The following HMGA2 variants were observed in gnomAD, a reference collection of about 807,000 sequenced individuals.
HMGA2 encodes high mobility group AT-hook 2.
HMGA2 carries 8 observed loss-of-function variants against 19.1 expected under a neutral mutation model. The observed-to-expected ratio is 0.42, with a 90% CI of 0.25 to 0.76. The LOEUF is 0.76. HMGA2 is among the 30% of genes least tolerant of loss of function. HMGA2 has a pLI of 0.28. For synonymous variants in HMGA2, 60 were observed against 48.8 expected (o/e 1.23, Z -0.96); for missense variants, 109 against 136.3 (o/e 0.80, Z 1.00).
At position 65,862,276 on chromosome 12, in the gene HMGA2, TAC is replaced by T. The variant is rs34442419; in HGVS notation, c.249+23737_249+23738del. 7.3e-3 allele frequency among the ~76,000 whole-genome samples: 1,058 copies of T among 144,584 alleles called. 2 individuals carry two copies. The highest frequency in any genetic ancestry group is 0.02 in the East Asian group (102 of 4,980). 94.9% of individuals were successfully genotyped at this position (144,584 alleles called of 152,430 possible). On this transcript the variant is annotated intron_variant, in intron 3 of 4. Transcript: ENST00000403681. ...ATAACAAATTTACCAAAATGCACCA[TAC>T]ACACACACACACACACACACACACA...
intron 3 of HMGA2, among the ~76,000 whole-genome samples, chr12:65,949,086 C>G (rs2121308136): frequency 6.6e-6 from 1 of 152,162 alleles, no homozygotes; most frequent in Non-Finnish European, 1.5e-5. Flanking sequence ...TCTATTAGCC[C>G]ACGCTTTTGT....
intron 3 of HMGA2, among the ~76,000 whole-genome samples, chr12:65,892,025 C>T (rs1873932050): frequency 6.6e-6 from 1 of 152,320 alleles, no homozygotes; most frequent in Middle Eastern, 3.4e-3. Context: ...TACAATAATG[C>T]GCTGCCTTGT....
chr12:65,923,331 T>C (rs1321341756), intron 3 of HMGA2, among the ~76,000 whole-genome samples: 1 of 152,208 alleles, frequency 6.6e-6, no homozygotes, highest in Admixed American at 6.5e-5. Flanking sequence ...TCCATTTTTA[T>C]GATTTATATA....
intron 3 of HMGA2, among the ~76,000 whole-genome samples, chr12:65,878,718 C>G (rs936871430): frequency 6.6e-6 from 1 of 152,166 alleles, no homozygotes; most frequent in Non-Finnish European, 1.5e-5. Flanking sequence ...TTTCACTGCT[C>G]TCTGCTGGAG....
chr12:65,881,665 A>G (rs1040571018), intron 3 of HMGA2: 12 of 683,806 alleles, frequency 1.8e-5, no homozygotes, highest in Admixed American at 4.1e-5. Context: ...AGAGAGAGAG[A>G]GGGGAGAAAT....
intron 3 of HMGA2, among the ~76,000 whole-genome samples, chr12:65,934,035 G>A (rs1420267174): frequency 6.6e-6 from 1 of 152,150 alleles, no homozygotes; most frequent in East Asian, 1.9e-4. Context: ...GCCTCAGCTT[G>A]CAGTAGCAGA....
chr12:65,893,194 C>T (rs1307196329), intron 3 of HMGA2, among the ~76,000 whole-genome samples: 1 of 152,128 alleles, frequency 6.6e-6, no homozygotes, highest in African/African-American at 2.4e-5. Context: ...TCTCGAATTG[C>T]TGTTAGTACA....
intron 3 of HMGA2, among the ~76,000 whole-genome samples, chr12:65,839,045 A>G (rs1870880091): frequency 1.2e-5 from 1 of 86,380 alleles, no homozygotes; most frequent in Non-Finnish European, 2.0e-5. Flanking sequence ...GACACATCTC[A>G]TTTTCTAGAT....
intron 3 of HMGA2, among the ~76,000 whole-genome samples, chr12:65,910,847 C>T (rs1334295911): frequency 6.6e-6 from 1 of 152,156 alleles, no homozygotes; most frequent in African/African-American, 2.4e-5. Context: ...TTGTTCCAAG[C>T]GTTGACTGAA....
At chr12:65,925,531 C>A (rs1436453778) in intron 3 of HMGA2, among the ~76,000 whole-genome samples, 1 of 152,118 alleles carries the variant, frequency 6.6e-6, no homozygotes, top group Non-Finnish European at 1.5e-5. Flanking sequence ...TGCTTACAGC[C>A]TATATTTTGT....
At chr12:65,943,226 A>G (rs973320367) in intron 3 of HMGA2, among the ~76,000 whole-genome samples, 3 of 152,216 alleles carry the variant, frequency 2.0e-5, no homozygotes, top group African/African-American at 7.2e-5. Context: ...GTATTCGATG[A>G]GCCAATGAAC....
chr12:65,885,334 G>A (rs1873610210), intron 3 of HMGA2, among the ~76,000 whole-genome samples: 1 of 152,004 alleles, frequency 6.6e-6, no homozygotes, highest in Admixed American at 6.6e-5. Context: ...GACATCACGA[G>A]ATACATATTT....
At chr12:65,835,570 A>G (rs1870679811) in intron 2 of HMGA2, among the ~76,000 whole-genome samples, 1 of 152,188 alleles carries the variant, frequency 6.6e-6, no homozygotes, top group Non-Finnish European at 1.5e-5. Flanking sequence ...CCTTTAGTTA[A>G]TGGTGCAAAT....
At chr12:65,881,977 G>C in intron 3 of HMGA2, 3 of 697,598 alleles carry the variant, frequency 4.3e-6, no homozygotes, top group Non-Finnish European at 5.2e-6. Flanking sequence ...GCAGCTGAAC[G>C]TCTCCATCTC....
At chr12:65,931,730 C>T (rs187379946) in intron 3 of HMGA2, among the ~76,000 whole-genome samples, 21 of 152,186 alleles carry the variant, frequency 1.4e-4, no homozygotes, top group Admixed American at 1.1e-3. Flanking sequence ...GGCGCCAGAA[C>T]GACACAGTCA....
chr12:65,908,011 T>G (rs1379879673), intron 3 of HMGA2, among the ~76,000 whole-genome samples: 1 of 152,188 alleles, frequency 6.6e-6, no homozygotes, highest in African/African-American at 2.4e-5. Flanking sequence ...TTAAATAAAA[T>G]TGAGATATCC....
intron 3 of HMGA2, among the ~76,000 whole-genome samples, chr12:65,888,379 C>A (rs556722637): frequency 3.3e-5 from 5 of 151,136 alleles, no homozygotes; most frequent in African/African-American, 1.2e-4. Flanking sequence ...TGCTTGAACC[C>A]GGTAGGTGGA....
chr12:65,892,436 G>C (rs990205869), intron 3 of HMGA2, among the ~76,000 whole-genome samples: 1 of 152,152 alleles, frequency 6.6e-6, no homozygotes, highest in Admixed American at 6.5e-5. Context: ...TCTTCTATTA[G>C]GGATGCTTTG....
chr12:65,944,999 G>T (rs1191800888), intron 3 of HMGA2, among the ~76,000 whole-genome samples: 5 of 152,032 alleles, frequency 3.3e-5, no homozygotes, highest in African/African-American at 1.2e-4. Flanking sequence ...CTCCCAAGTA[G>T]CTGGGACTAA....
Sources: allele counts gnomAD v4.1 joint callset (sites outside exome capture counted in the v4.1 genomes callset), GRCh38; gene constraint gnomAD v4.1.1; transcripts MANE v1.5; gene names NCBI Gene and HGNC (gene_info 2026-07-23, HGNC 2026-07-21).